PHACTR1: variants seen among roughly 807,000 people sequenced by gnomAD.
The protein encoded by PHACTR1 is phosphatase and actin regulator 1, also known as RPEL repeat containing 1.
PHACTR1 carries 16 observed loss-of-function variants against 69.2 expected under a neutral mutation model. The ratio of observed to expected loss-of-function variants is 0.23; its 90% CI spans 0.16 to 0.35. The LOEUF is 0.35. Among genes scored for constraint, PHACTR1 ranks in the 10% least tolerant of loss-of-function variants. The pLI is 1.00. For synonymous variants in PHACTR1, 312 were observed against 284.5 expected (o/e 1.10, Z -0.97); for missense variants, 510 against 734.7 (o/e 0.69, Z 3.54).
At chr6:13,188,701 T>C (rs933330089) in intron 7 of PHACTR1, among the ~76,000 whole-genome samples, 6 of 152,188 alleles carry the variant, frequency 3.9e-5, no homozygotes, top group Non-Finnish European at 7.4e-5. Context: ...ATTTCTTCTG[T>C]TCATCAGCCA....
intron 4 of PHACTR1, among the ~76,000 whole-genome samples, chr6:12,752,256 C>T (rs1766711318): frequency 6.6e-6 from 1 of 152,186 alleles, no homozygotes. Context: ...AGCAAACAGC[C>T]TTGTTTATCT....
At chr6:12,749,480 T>C (rs1766259849) in intron 3 of PHACTR1, 164 bp from the exon 4 acceptor site, 2 of 672,856 alleles carry the variant, frequency 3.0e-6, no homozygotes, top group Middle Eastern at 2.4e-4. Flanking sequence ...TCTTTCTCTC[T>C]CCCTTTTTTT....
intron 4 of PHACTR1, among the ~76,000 whole-genome samples, chr6:12,891,192 A>G (rs1784138208): frequency 2.0e-5 from 3 of 152,134 alleles, no homozygotes; most frequent in Admixed American, 2.0e-4. Flanking sequence ...TGGGGGGATA[A>G]TATCACCATT....
At chr6:12,824,094 A>G (rs531873444) in intron 4 of PHACTR1, among the ~76,000 whole-genome samples, 1 of 152,186 alleles carries the variant, frequency 6.6e-6, no homozygotes, top group African/African-American at 2.4e-5. Context: ...CGCTTGCATT[A>G]CTGCCTGAGC....
intron 5 of PHACTR1, among the ~76,000 whole-genome samples, chr6:13,147,430 A>G (rs1823575756): frequency 6.6e-6 from 1 of 152,178 alleles, no homozygotes; most frequent in Admixed American, 6.5e-5. Context: ...AGGATAGTCA[A>G]TCCTATTTTC....
intron 4 of PHACTR1, among the ~76,000 whole-genome samples, chr6:13,015,172 G>T (rs903738121): frequency 4.6e-5 from 7 of 152,142 alleles, no homozygotes; most frequent in Non-Finnish European, 1.5e-5. Context: ...GATCCCTCCC[G>T]TTCTTAGTCG....
rs1766326258 is a variant in PHACTR1 at position 12,749,715 on chromosome 6, C to T, written c.175C>T (p.Pro59Ser). The change falls in exon 4 of 15, where the codon CCC becomes TCC. Residue 59 changes from proline to serine, a missense_variant. By Grantham distance (74) the Pro-to-Ser change is moderately conservative. Coordinates refer to ENST00000332995, the MANE Select transcript of PHACTR1 (RefSeq NM_030948.6). ...CTCGGAGGATGATATAGACCGGCGG[C>T]CCATCCGGAGAGTGCGCTCCAAGAG... ...ASSEDDIDRR[P>S]IRRVRSKSDT... 1 of 1,612,380 alleles carries T rather than the reference C, an allele frequency of 6.2e-7. No homozygotes were observed. The highest frequency in any genetic ancestry group is 1.3e-5 in the African/African-American group (1 of 74,766).
rs1219991525 is a variant in PHACTR1, at chr6:12,848,345, A to G, written c.250+98555A>G. Among the ~76,000 whole-genome samples, 7 of 152,294 alleles carry G rather than the reference A, an allele frequency of 4.6e-5. No homozygotes were observed. The East Asian group carries it at 1.3e-3, about 29-fold the overall frequency. On this transcript the variant is annotated intron_variant, in intron 4 of 14. Coordinates refer to ENST00000332995, the MANE Select transcript of PHACTR1 (RefSeq NM_030948.6). ...TGTGCATATACATATGTTAAACTAC[A>G]AGATTTTCTATAAACACAAACACAC...
chr6:12,925,636 G>C (rs1282258742), intron 4 of PHACTR1, among the ~76,000 whole-genome samples: 1 of 152,164 alleles, frequency 6.6e-6, no homozygotes, highest in African/African-American at 2.4e-5. Context: ...TTATTTCAAA[G>C]GTCCTGGATT....
intron 5 of PHACTR1, among the ~76,000 whole-genome samples, chr6:13,080,023 A>G (rs1348686688): frequency 6.6e-6 from 1 of 152,116 alleles, no homozygotes; most frequent in Admixed American, 6.6e-5. Context: ...TTCTCTAGCC[A>G]TTAACAGGAT....
chr6:13,074,363 ACT>A (rs1189224174), intron 5 of PHACTR1, among the ~76,000 whole-genome samples: 1 of 152,132 alleles, frequency 6.6e-6, no homozygotes, highest in Non-Finnish European at 1.5e-5. Flanking sequence ...CGATAACGAC[ACT>A]CTGTCAGCTG....
chr6:13,230,626 C>T (rs576281779), intron 10 of PHACTR1, among the ~76,000 whole-genome samples: 1 of 151,748 alleles, frequency 6.6e-6, no homozygotes, highest in Non-Finnish European at 1.5e-5. Flanking sequence ...AGTGCCCTCT[C>T]CTTTATTTAT....
At chr6:13,085,858 A>G (rs542197755) in intron 5 of PHACTR1, among the ~76,000 whole-genome samples, 2 of 152,030 alleles carry the variant, frequency 1.3e-5, no homozygotes, top group African/African-American at 4.8e-5. Flanking sequence ...TTATGTGTCA[A>G]ACACATGTGA....
At chr6:12,901,684 C>T (rs1785212653) in intron 4 of PHACTR1, among the ~76,000 whole-genome samples, 1 of 152,098 alleles carries the variant, frequency 6.6e-6, no homozygotes, top group Admixed American at 6.5e-5. Context: ...TTGGTAGAAA[C>T]GGGGTTTCAC....
intron 4 of PHACTR1, among the ~76,000 whole-genome samples, chr6:12,949,296 G>GAAA (rs1791028253): frequency 6.8e-6 from 1 of 146,286 alleles, no homozygotes; most frequent in Non-Finnish European, 1.5e-5. Context: ...AAGAAAGAAA[G>GAAA]AAAAGGAAAA....
intron 4 of PHACTR1, among the ~76,000 whole-genome samples, chr6:13,041,353 C>T (rs1401014486): frequency 1.3e-4 from 19 of 150,918 alleles, no homozygotes; most frequent in African/African-American, 4.4e-4. Context: ...CACACACACA[C>T]ACACACACAC....
At chr6:12,749,830 G>C in intron 4 of PHACTR1, 40 bp downstream of exon 4, 1 of 1,482,858 alleles carries the variant, frequency 6.7e-7, no homozygotes. Flanking sequence ...CCCCCGCCCT[G>C]CTCCCTCCCT....
At chr6:13,261,481 A>G (rs956857132) in intron 10 of PHACTR1, among the ~76,000 whole-genome samples, 3 of 152,216 alleles carry the variant, frequency 2.0e-5, no homozygotes, top group Admixed American at 6.5e-5. Context: ...TGTTCAAAAG[A>G]TAAAAAAATA....
At chr6:12,741,119 T>G (rs775752635) in intron 3 of PHACTR1, among the ~76,000 whole-genome samples, 11 of 152,014 alleles carry the variant, frequency 7.2e-5, no homozygotes, top group Non-Finnish European at 1.5e-4. Context: ...TTCTCTTATC[T>G]AAATAAACAT....
Sources: allele counts gnomAD v4.1 joint callset (sites outside exome capture counted in the v4.1 genomes callset), GRCh38; gene constraint gnomAD v4.1.1; transcripts MANE v1.5; gene names NCBI Gene and HGNC (gene_info 2026-07-23, HGNC 2026-07-21).